TCTN3: variants seen among roughly 807,000 people sequenced by gnomAD.
TCTN3 encodes tectonic-3.
In TCTN3, 57 loss-of-function variants were observed where a neutral mutation model predicts 71.3. That is an observed-to-expected ratio of 0.80 (90% CI 0.65 to 1.00). The LOEUF (loss-of-function observed/expected upper bound fraction) is 1.00, where lower values mean the gene tolerates loss of function less well. TCTN3 is among the 50% of genes least tolerant of loss of function. The probability of loss-of-function intolerance (pLI) is 0.00; values close to 1 mark genes in which losing one functional copy is unlikely to be tolerated. For missense variants in TCTN3, 696 were observed against 719.9 expected, an observed-to-expected ratio of 0.97 and a Z score of 0.38; for synonymous variants, 258 against 267.8, an observed-to-expected ratio of 0.96 and a Z score of 0.36.
intron 13 of TCTN3, among the ~76,000 whole-genome samples, chr10:95,667,684 T>C (rs2097926999): frequency 1.3e-5 from 2 of 152,224 alleles, no homozygotes; most frequent in Admixed American, 1.3e-4. Flanking sequence ...AATTATCCCT[T>C]CTCTAATTTA....
At chr10:95,679,801 G>A (rs933284516) in intron 13 of TCTN3, among the ~76,000 whole-genome samples, 10 of 151,340 alleles carry the variant, frequency 6.6e-5, no homozygotes, top group South Asian at 2.1e-4. Context: ...CATTTTAGCC[G>A]GGATGGTCTC....
chr10:95,680,485 C>G lies in TCTN3; in HGVS notation c.1577G>C (p.Cys526Ser), dbSNP rs777395099. The G allele has an allele frequency of 6.2e-7, 1 of 1,613,828 alleles. No homozygotes were observed. The highest frequency in any genetic ancestry group is 1.7e-5 in the Admixed American group (1 of 59,970). The change falls in exon 13 of 14, where the codon TGC becomes TCC. Residue 526 changes from cysteine to serine, a missense_variant. Cys to Ser is a moderately radical substitution (Grantham distance 112, BLOSUM62 -1). Transcript: ENST00000371217. ...GCCATGACTTACCTGTATAGACTGG[C>G]ACTGGTATAGGAATCGAACTCCTGA... The part of the protein sequence containing the change: ...HVSGVRFLYQ[C>S]QSIQDSQQVT...
chr10:95,667,620 C>T (rs1448295671), intron 13 of TCTN3, among the ~76,000 whole-genome samples: 1 of 152,180 alleles, frequency 6.6e-6, no homozygotes, highest in Admixed American at 6.5e-5. Context: ...ATTCTGGATT[C>T]AGGGACATTG....
chr10:95,671,541 A>C (rs984760945), intron 13 of TCTN3, among the ~76,000 whole-genome samples: 4 of 152,254 alleles, frequency 2.6e-5, no homozygotes, highest in Non-Finnish European at 5.9e-5. Flanking sequence ...CCTACGTAAA[A>C]TCAGTACAAA....
In TCTN3 at chr10:95,685,599, G is replaced by A; in HGVS notation, c.926C>T (p.Ala309Val). The change falls in exon 8 of 14, where the codon GCT becomes GTT. Residue 309 changes from alanine to valine, a missense_variant. Coordinates refer to ENST00000371217, the MANE Select transcript of TCTN3 (RefSeq NM_015631.6). Reference sequence around the variant, plus strand: ...ACAAGTGTTTCCAGCCAACAGAGGAGCATTAGCCTGTGAGGTAAGTATTAC... The same window carrying A: ...ACAAGTGTTTCCAGCCAACAGAGGAACATTAGCCTGTGAGGTAAGTATTAC... ...VPVILTSQAN[A>V]PLLAGNTCQN... is the part of the protein sequence containing the mutation. 1 of 1,551,530 alleles carries A rather than the reference G, an allele frequency of 6.4e-7. No individual in the cohort carries two copies. The highest frequency in any genetic ancestry group is 8.7e-7 in the Non-Finnish European group (1 of 1,146,872).
At chr10:95,681,407 T>A (rs1258769968) in intron 12 of TCTN3, among the ~76,000 whole-genome samples, 1 of 152,144 alleles carries the variant, frequency 6.6e-6, no homozygotes, top group East Asian at 1.9e-4. Context: ...AGTTACTGAG[T>A]ATCTCCTATG....
At chr10:95,682,516 G>T in intron 12 of TCTN3, 135 bp downstream of exon 12, 1 of 1,060,088 alleles carries the variant, frequency 9.4e-7, no homozygotes, top group Non-Finnish European at 1.3e-6. Flanking sequence ...GCTTCAAGTG[G>T]GCATGATTTC....
chr10:95,687,108 G>A lies in TCTN3; in HGVS notation c.788C>T (p.Ala263Val). Reference sequence around the variant, plus strand: ...GGCTGAATCCAAGGTACAGCTACTAGCCAGGTTCTTGAAAAAACGAGTGCA... The same window carrying A: ...GGCTGAATCCAAGGTACAGCTACTAACCAGGTTCTTGAAAAAACGAGTGCA... ...TTCTRFFKNL[A>V]SSCTLDSALN... Residue 263 changes from alanine (A) to valine (V), a missense_variant, in exon 6 of 14, where the codon GCT (alanine) becomes GTT (valine). Physicochemically the swap from Ala to Val is moderately conservative, Grantham distance 64. Coordinates refer to ENST00000371217, the MANE Select transcript of TCTN3 (RefSeq NM_015631.6). The A allele has an allele frequency of 3.1e-6, 5 of 1,614,208 alleles. No individual in the cohort carries two copies. The highest frequency in any genetic ancestry group is 4.2e-6 in the Non-Finnish European group (5 of 1,180,034).
intron 12 of TCTN3, among the ~76,000 whole-genome samples, chr10:95,681,387 T>C (rs1183319790): frequency 1.3e-5 from 2 of 152,210 alleles, no homozygotes; most frequent in Non-Finnish European, 2.9e-5. Flanking sequence ...CCTTGATTAA[T>C]CTAAATAACA....
intron 3 of TCTN3, 95 bp from the exon 4 acceptor site, chr10:95,687,814 A>C: frequency 7.1e-7 from 1 of 1,413,620 alleles, no homozygotes; most frequent in Non-Finnish European, 9.5e-7. Context: ...CATAATATAC[A>C]GGGTGCAAAT....
At chr10:95,665,024 T>G (rs1014920390) in intron 13 of TCTN3, among the ~76,000 whole-genome samples, 1 of 152,246 alleles carries the variant, frequency 6.6e-6, no homozygotes, top group Non-Finnish European at 1.5e-5. Context: ...GAACATATTA[T>G]GCATTTGCTG....
In TCTN3 at chr10:95,693,808, G is replaced by T. The variant is rs2097956191; in HGVS notation, c.92C>A (p.Ala31Glu). 8 of 1,551,734 alleles carry T rather than the reference G, an allele frequency of 5.2e-6. No homozygotes were observed. The highest frequency in any genetic ancestry group is 7.0e-6 in the Non-Finnish European group (8 of 1,147,006). ...RPQPSSSPSG[A>E]VPTSLELQRG... is the part of the protein sequence containing the mutation. ...CTGCAGCTCCAAAGACGTGGGCACT[G>T]CCCCTGATGGGGAGGAAGAGGGCTG... Residue 31 changes from alanine to glutamate, a missense_variant, in exon 1 of 14, where the codon GCA becomes GAA. Transcript: ENST00000371217.
chr10:95,675,156 G>A (rs1379209983), intron 13 of TCTN3, among the ~76,000 whole-genome samples: 1 of 152,134 alleles, frequency 6.6e-6, no homozygotes, highest in African/African-American at 2.4e-5. Context: ...TCAGTGGCGC[G>A]ATCTCGGCTC....
chr10:95,668,388 A>G (rs1244011199), intron 13 of TCTN3, among the ~76,000 whole-genome samples: 1 of 152,120 alleles, frequency 6.6e-6, no homozygotes, highest in African/African-American at 2.4e-5. Context: ...GAAAAGATCT[A>G]CTCAAGGCAT....
intron 3 of TCTN3, among the ~76,000 whole-genome samples, chr10:95,692,689 T>A (rs1417081008): frequency 6.6e-6 from 1 of 152,162 alleles, no homozygotes; most frequent in Non-Finnish European, 1.5e-5. Flanking sequence ...ACCGGCCGCA[T>A]GCAGCCCAGG....
chr10:95,687,247 C>T lies in TCTN3; in HGVS notation c.736G>A (p.Gly246Ser), dbSNP rs932984190. ...GTTGGTACTTTTGCTCTGGATTCAC[C>T]TGCAGGATTGCTTTCAGCACAGAGT... The part of the protein sequence containing the change: ...GGLCAESNPA[G>S]FLESKSTTCT... The change falls in exon 5 of 14, where the codon GGT becomes AGT. Residue 246 changes from glycine (G) to serine (S), a missense_variant and splice_region_variant. Gly to Ser is a moderately conservative substitution (Grantham distance 56). Coordinates refer to ENST00000371217, the MANE Select transcript of TCTN3 (RefSeq NM_015631.6). The T allele has an allele frequency of 6.2e-7, 1 of 1,613,708 alleles. No homozygotes were observed. Among genetic ancestry groups the T allele is most frequent in the African/African-American group, 1.3e-5 (1 of 74,920 alleles).
intron 13 of TCTN3, among the ~76,000 whole-genome samples, chr10:95,670,687 G>C (rs955078104): frequency 1.3e-5 from 2 of 151,910 alleles, no homozygotes; most frequent in African/African-American, 4.8e-5. Context: ...TTTTGAAACA[G>C]GGTCTCACTC....
At chr10:95,677,176 T>C (rs1340333734) in intron 13 of TCTN3, among the ~76,000 whole-genome samples, 3 of 152,178 alleles carry the variant, frequency 2.0e-5, no homozygotes, top group African/African-American at 7.2e-5. Context: ...TCCTTAAAAC[T>C]AGTTGTTTCT....
At chr10:95,677,473 A>ACAATTTTTTTTTTT (rs57706369) in intron 13 of TCTN3, among the ~76,000 whole-genome samples, 1 of 24,118 alleles carries the variant, frequency 4.1e-5, no homozygotes, top group Admixed American at 3.7e-4. Context: ...TGAAGTCTAC[A>ACAATTTTTTTTTTT]GTTTTTTTTG....
Sources: allele counts gnomAD v4.1 joint callset (sites outside exome capture counted in the v4.1 genomes callset), GRCh38; gene constraint gnomAD v4.1.1; transcripts MANE v1.5; gene names NCBI Gene and HGNC (gene_info 2026-07-23, HGNC 2026-07-21).